The following CNRIP1 variants were observed in gnomAD, a reference collection of about 807,000 sequenced individuals.
CNRIP1 encodes the protein CB1 cannabinoid receptor-interacting protein 1.
Under a neutral mutation model 15.2 loss-of-function variants are expected in CNRIP1, and 10 were observed. That is an observed-to-expected ratio of 0.66 (90% CI 0.41 to 1.12). The LOEUF (loss-of-function observed/expected upper bound fraction) is 1.12. Ranked by LOEUF, CNRIP1 falls within the 50% of genes most tolerant of loss-of-function variation. The probability of loss-of-function intolerance (pLI) is 0.00; values close to 1 mark genes in which losing one functional copy is unlikely to be tolerated. For synonymous variants in CNRIP1, 91 were observed against 83.2 expected (o/e 1.09, Z -0.51); for missense variants, 211 against 214.7 (o/e 0.98, Z 0.11).
At chr2:68,285,648 C>T (rs1392211135) in intron 2 of CNRIP1, among the ~76,000 whole-genome samples, 1 of 105,964 alleles carries the variant, frequency 9.4e-6, no homozygotes, top group South Asian at 3.5e-4. Context: ...CAGAGCAAGA[C>T]CCTGTCTCAA....
chr2:68,298,879 A>G (rs117291279), intron 2 of CNRIP1, among the ~76,000 whole-genome samples: 1 of 152,210 alleles, frequency 6.6e-6, no homozygotes, highest in Admixed American at 6.6e-5. Context: ...AGGAACAATT[A>G]TACAGGCTCT....
At chr2:68,312,770 C>CA (rs967126067) in intron 2 of CNRIP1, among the ~76,000 whole-genome samples, 23 of 151,756 alleles carry the variant, frequency 1.5e-4, no homozygotes, top group African/African-American at 3.4e-4. Context: ...TATCAATATA[C>CA]AAAAAAAATC....
chr2:68,296,966 C>T (rs1010572906), intron 2 of CNRIP1, among the ~76,000 whole-genome samples: 2 of 152,110 alleles, frequency 1.3e-5, no homozygotes, highest in African/African-American at 4.8e-5. Flanking sequence ...GCGGTTTAAC[C>T]ATGTTGCCCA....
intron 2 of CNRIP1, among the ~76,000 whole-genome samples, chr2:68,294,323 T>C (rs906163215): frequency 6.6e-6 from 1 of 152,234 alleles, no homozygotes; most frequent in East Asian, 1.9e-4. Context: ...TTTATCTTGT[T>C]TTTCAAGTTT....
intron 2 of CNRIP1, among the ~76,000 whole-genome samples, chr2:68,297,218 G>A (rs188451651): frequency 3.3e-5 from 5 of 152,090 alleles, no homozygotes; most frequent in East Asian, 3.9e-4. Context: ...TAAGTACTAC[G>A]AGGAACATTG....
intron 2 of CNRIP1, among the ~76,000 whole-genome samples, chr2:68,307,313 A>T (rs752265218): frequency 6.6e-6 from 1 of 152,136 alleles, no homozygotes; most frequent in Non-Finnish European, 1.5e-5. Context: ...GTCTAACTAC[A>T]TATCGTTACA....
intron 2 of CNRIP1, among the ~76,000 whole-genome samples, chr2:68,311,204 G>T (rs1371744789): frequency 6.6e-6 from 1 of 151,914 alleles, no homozygotes; most frequent in Non-Finnish European, 1.5e-5. Flanking sequence ...GATCCCCAAG[G>T]GGGGAAAAAC....
chr2:68,319,600 C>T lies in CNRIP1; in HGVS notation c.-200G>A, dbSNP rs1672422350. On this transcript the variant is annotated 5_prime_UTR_variant, in exon 1 of 3. Coordinates refer to ENST00000263655, the MANE Select transcript of CNRIP1 (RefSeq NM_015463.3). Reference sequence around the variant, plus strand: ...GGAGCAGCTCCTTAGGCTGTGGCCCCCCTCCCCACTCGGCGAGGAAGCGGG... The same window carrying T: ...GGAGCAGCTCCTTAGGCTGTGGCCCTCCTCCCCACTCGGCGAGGAAGCGGG... The T allele has an allele frequency of 1.9e-6, 1 of 526,134 alleles. No homozygotes were observed. Among genetic ancestry groups the T allele is most frequent in the South Asian group, 2.6e-5 (1 of 38,224 alleles). The allele number at this position is 526,134 out of a possible 1,614,324, so 32.6% of individuals were successfully genotyped here.
intron 2 of CNRIP1, among the ~76,000 whole-genome samples, chr2:68,300,420 C>A (rs1261405891): frequency 6.6e-6 from 1 of 152,130 alleles, no homozygotes; most frequent in Non-Finnish European, 1.5e-5. Flanking sequence ...AGTTCAAGAC[C>A]AGCCTGGCTG....
In CNRIP1 at chr2:68,309,158, C is replaced by G. The variant is rs955761478; in HGVS notation, c.330+7999G>C. Among the ~76,000 whole-genome samples, 4 of 152,336 alleles carry G rather than the reference C, an allele frequency of 2.6e-5. No homozygotes were observed. In the East Asian group the frequency reaches 7.7e-4, roughly 29 times the overall value. On this transcript the variant is annotated intron_variant, in intron 2 of 2. Coordinates refer to ENST00000263655, the MANE Select transcript of CNRIP1 (RefSeq NM_015463.3). ...TTGAAAGCCCAGTGTCAATGTGCAA[C>G]TCAGTTAAAGTGCTTCTAAACTTGT...
Position 68,319,703 on chromosome 2 carries a change from G to C in CNRIP1, c.-303C>G, listed in dbSNP as rs1012475002. On this transcript the variant is annotated 5_prime_UTR_variant, in exon 1 of 3. Coordinates refer to ENST00000263655, the MANE Select transcript of CNRIP1 (RefSeq NM_015463.3). Reference sequence around the variant, plus strand: ...GCGCCCTCCACGCACCCGAAGGCTCGCTCTGGCCCGCAGGCCGCCGCGCAG... The same window carrying C: ...GCGCCCTCCACGCACCCGAAGGCTCCCTCTGGCCCGCAGGCCGCCGCGCAG... 6.3e-5 allele frequency: 22 copies of C among 346,548 alleles called. No homozygotes were observed. Among genetic ancestry groups the C allele is most frequent in the South Asian group, 1.3e-4 (3 of 23,872 alleles). The allele number at this position is 346,548 out of a possible 1,614,324, so 21.5% of individuals were successfully genotyped here.
At chr2:68,291,712 C>G (rs540513457), downstream of CNRIP1, among the ~76,000 whole-genome samples, 2 of 152,156 alleles carry the variant, frequency 1.3e-5, no homozygotes, top group Non-Finnish European at 2.9e-5. Flanking sequence ...AACCCCATCT[C>G]TACTAAAAAT....
chr2:68,284,306 A>G (rs1558657666), exon 3 of CNRIP1: 3 of 569,584 alleles, frequency 5.3e-6, no homozygotes, highest in East Asian at 3.3e-5. Flanking sequence ...CTACATTTTA[A>G]CAAGCATCCC....
intron 2 of CNRIP1, among the ~76,000 whole-genome samples, chr2:68,302,483 T>C (rs1290185500): frequency 1.3e-5 from 2 of 152,366 alleles, no homozygotes; most frequent in Non-Finnish European, 2.9e-5. Context: ...CACACTGCTC[T>C]GTGAAATGGG....
downstream of CNRIP1, among the ~76,000 whole-genome samples, chr2:68,289,585 A>G (rs904297746): frequency 3.3e-5 from 5 of 151,722 alleles, no homozygotes; most frequent in Admixed American, 2.6e-4. Context: ...GGCTCAAGAG[A>G]TCCTTCCACC....
At chr2:68,314,209 C>T (rs1040521959) in intron 2 of CNRIP1, among the ~76,000 whole-genome samples, 2 of 151,628 alleles carry the variant, frequency 1.3e-5, no homozygotes, top group African/African-American at 2.4e-5. Context: ...CTATGAAACC[C>T]GGGTTATCTA....
intron 2 of CNRIP1, among the ~76,000 whole-genome samples, chr2:68,312,422 T>TA (rs918074047): frequency 3.9e-5 from 6 of 152,130 alleles, no homozygotes; most frequent in African/African-American, 7.2e-5. Context: ...CGTTCATGAT[T>TA]AAAAAAACAT....
chr2:68,314,291 C>T (rs772201241), intron 2 of CNRIP1, among the ~76,000 whole-genome samples: 5 of 151,748 alleles, frequency 3.3e-5, no homozygotes. Context: ...ATAAAGCAAG[C>T]AAATTTTAAA....
rs1336387557 is a variant in CNRIP1 at position 68,319,448 on chromosome 2, G to C, written c.-48C>G. The C allele has an allele frequency of 2.8e-6, 4 of 1,450,084 alleles. No homozygotes were observed. The South Asian group carries it at 5.5e-5, about 20-fold the overall frequency. 89.8% of individuals were successfully genotyped at this position (1,450,084 alleles called of 1,614,324 possible). On this transcript the variant is annotated 5_prime_UTR_variant, in exon 1 of 3. Transcript: ENST00000263655. Reference sequence around the variant, plus strand: ...GCGGCTCCGGGGGGCGGAGGACAGCGCCGGCTGCGGCCGAGTGGCTGGAGC... The same window carrying C: ...GCGGCTCCGGGGGGCGGAGGACAGCCCCGGCTGCGGCCGAGTGGCTGGAGC...
Sources: gnomAD v4.1 joint callset for allele counts (sites outside exome capture counted in the v4.1 genomes callset) on GRCh38, gnomAD v4.1.1 for gene constraint, MANE v1.5 for transcripts, NCBI Gene and HGNC (gene_info 2026-07-23, HGNC 2026-07-21) for gene names.